CNBD1: variants seen among roughly 807,000 people sequenced by gnomAD.
CNBD1 encodes the protein cyclic nucleotide binding domain containing 1.
A neutral mutation model predicts 54.4 loss-of-function variants in CNBD1; 71 were observed. The observed-to-expected ratio is 1.30, with a 90% CI of 1.08 to 1.59. The LOEUF (loss-of-function observed/expected upper bound fraction) is 1.59, where lower values mean the gene tolerates loss of function less well. Among genes scored for constraint, CNBD1 ranks in the 40% most tolerant of loss-of-function variants. CNBD1 has a pLI of 0.00. For synonymous variants in CNBD1, 182 were observed against 170.7 expected (o/e 1.07, Z -0.51); for missense variants, 659 against 518.0 (o/e 1.27, Z -2.64).
At chr8:87,321,234 AT>A (rs1809520982) in intron 8 of CNBD1, among the ~76,000 whole-genome samples, 2 of 149,656 alleles carry the variant, frequency 1.3e-5, no homozygotes, top group African/African-American at 2.5e-5. Flanking sequence ...TCTATTTTTA[AT>A]TTTTTGAAGA....
In CNBD1 at chr8:87,358,076, G is replaced by T. The variant is rs7826890; in HGVS notation, c.1303+4290G>T. ...CTTCCACCATGAACAAAAGATTCCC[G>T]AGGCCTCATCAGTAGCCAAGAAGAT... is the stretch of plus-strand genomic sequence containing the variant. On this transcript the variant is annotated intron_variant, in intron 10 of 10. Transcript: ENST00000518476. Among the ~76,000 whole-genome samples, 692 of 151,936 alleles carry T rather than the reference G, an allele frequency of 4.6e-3. 6 individuals carry two copies. The highest frequency in any genetic ancestry group is 6.1e-3 in the Non-Finnish European group (417 of 67,956).
At chr8:87,184,815 G>GTGGGAGA (rs1813439938) in intron 4 of CNBD1, among the ~76,000 whole-genome samples, 1 of 152,144 alleles carries the variant, frequency 6.6e-6, no homozygotes, top group African/African-American at 2.4e-5. Context: ...GTCTCTCTCA[G>GTGGGAGA]TGGGAGAAGC....
intron 4 of CNBD1, among the ~76,000 whole-genome samples, chr8:87,100,668 G>GT (rs1811412116): frequency 6.6e-6 from 1 of 152,032 alleles, no homozygotes; most frequent in African/African-American, 2.4e-5. Context: ...TAGAGATGGG[G>GT]TTTCACCATC....
chr8:87,111,800 GC>G (rs1168309094), intron 4 of CNBD1, among the ~76,000 whole-genome samples: 1 of 150,948 alleles, frequency 6.6e-6, no homozygotes, highest in Non-Finnish European at 1.5e-5. Flanking sequence ...CCCGCCCCCT[GC>G]ATCCTGCCAT....
chr8:87,135,217 A>G (rs574309168), intron 4 of CNBD1, among the ~76,000 whole-genome samples: 32 of 152,070 alleles, frequency 2.1e-4, no homozygotes, highest in Non-Finnish European at 4.4e-4. Context: ...CAAATATAGT[A>G]CTGTCTATTA....
chr8:87,379,150 T>C (rs1244423770), intron 10 of CNBD1, among the ~76,000 whole-genome samples: 3 of 151,928 alleles, frequency 2.0e-5, no homozygotes, highest in African/African-American at 7.3e-5. Flanking sequence ...CTTTATTTCC[T>C]TCTCCTGCCT....
intron 4 of CNBD1, among the ~76,000 whole-genome samples, chr8:87,056,350 G>T (rs1810416292): frequency 6.6e-6 from 1 of 152,140 alleles, no homozygotes; most frequent in South Asian, 2.1e-4. Flanking sequence ...TTCCATGGGG[G>T]CAACACACAA....
intron 4 of CNBD1, among the ~76,000 whole-genome samples, chr8:87,183,658 G>A (rs1813411383): frequency 6.6e-6 from 1 of 152,086 alleles, no homozygotes; most frequent in Non-Finnish European, 1.5e-5. Flanking sequence ...ATCTGTATGG[G>A]CTGATAGTCC....
intron 2 of CNBD1, among the ~76,000 whole-genome samples, chr8:87,407,736 C>A (rs1273759042): frequency 6.6e-6 from 1 of 151,762 alleles, no homozygotes; most frequent in East Asian, 1.9e-4. Context: ...ATTTGTATTA[C>A]CTTGCAGAAT....
At chr8:87,201,864 T>G (rs901661584) in intron 4 of CNBD1, among the ~76,000 whole-genome samples, 2 of 152,178 alleles carry the variant, frequency 1.3e-5, no homozygotes, top group African/African-American at 2.4e-5. Flanking sequence ...GCCATTCTCC[T>G]GCCTCAGCCT....
chr8:87,382,695 T>A lies in CNBD1; in HGVS notation c.*68T>A. ...ACTAAATAATGGAATAATTGCATTC[T>A]GGAATACTATCAAACTACCAGCAAT... On this transcript the variant is annotated 3_prime_UTR_variant, in exon 11 of 11. Transcript: ENST00000518476. 8.5e-7 allele frequency: 1 copy of A among 1,170,420 alleles called. No homozygotes were observed. The highest frequency in any genetic ancestry group is 1.2e-6 in the Non-Finnish European group (1 of 814,948). 72.5% of individuals were successfully genotyped at this position (1,170,420 alleles called of 1,614,324 possible).
At chr8:86,988,226 A>G (rs535955817) in intron 4 of CNBD1, among the ~76,000 whole-genome samples, 8 of 149,324 alleles carry the variant, frequency 5.4e-5, no homozygotes, top group Non-Finnish European at 8.9e-5. Flanking sequence ...TCCTGATTCA[A>G]TTTCCAGAGG....
At chr8:86,980,114 T>C (rs1009671290) in intron 4 of CNBD1, among the ~76,000 whole-genome samples, 1 of 152,190 alleles carries the variant, frequency 6.6e-6, no homozygotes, top group Non-Finnish European at 1.5e-5. Context: ...ATGCTTGAAG[T>C]TTTAGGATTC....
intron 4 of CNBD1, among the ~76,000 whole-genome samples, chr8:87,102,336 G>A (rs928495316): frequency 6.6e-6 from 1 of 152,156 alleles, no homozygotes; most frequent in Non-Finnish European, 1.5e-5. Context: ...GTTTACATGT[G>A]TAAAGATACT....
chr8:87,401,074 T>C (rs1244097041), intron 2 of CNBD1, among the ~76,000 whole-genome samples: 1 of 152,008 alleles, frequency 6.6e-6, no homozygotes, highest in African/African-American at 2.4e-5. Context: ...AGAGAGTGAT[T>C]AGTGTACAAA....
chr8:87,206,345 C>T (rs1303136694), intron 5 of CNBD1, among the ~76,000 whole-genome samples: 1 of 152,096 alleles, frequency 6.6e-6, no homozygotes, highest in Non-Finnish European at 1.5e-5. Flanking sequence ...AAGATATATA[C>T]TTGTGTTTCT....
intron 4 of CNBD1, among the ~76,000 whole-genome samples, chr8:87,097,757 T>C (rs1050266061): frequency 6.6e-6 from 1 of 152,182 alleles, no homozygotes; most frequent in African/African-American, 2.4e-5. Flanking sequence ...ACTTTCCTCC[T>C]TAGTGCCCCA....
rs1176662124 is a variant in CNBD1 at position 87,142,043 on chromosome 8, G to A, written c.432-63950G>A. On this transcript the variant is annotated intron_variant, in intron 4 of 10. Transcript: ENST00000518476. Reference sequence around the variant, plus strand: ...TGGAACATTCACATTCAGTTATTACGACACTAGTCTTTCACTTGAATGTGT... The same window carrying A: ...TGGAACATTCACATTCAGTTATTACAACACTAGTCTTTCACTTGAATGTGT... 3.3e-5 allele frequency among the ~76,000 whole-genome samples: 5 copies of A among 152,106 alleles called. No homozygotes were observed. The East Asian group carries it at 5.8e-4, about 18-fold the overall frequency.
intron 4 of CNBD1, among the ~76,000 whole-genome samples, chr8:87,164,998 T>G (rs1812932202): frequency 6.6e-6 from 1 of 150,542 alleles, no homozygotes; most frequent in African/African-American, 2.4e-5. Context: ...AGTCACAAGA[T>G]TTTTTTTTTA....
Sources: gnomAD v4.1 joint callset for allele counts (sites outside exome capture counted in the v4.1 genomes callset) on GRCh38, gnomAD v4.1.1 for gene constraint, MANE v1.5 for transcripts, NCBI Gene and HGNC (gene_info 2026-07-23, HGNC 2026-07-21) for gene names.